The following ROBO1 variants were observed in gnomAD, a reference collection of about 807,000 sequenced individuals.
ROBO1 encodes roundabout guidance receptor 1.
A neutral mutation model predicts 195.9 loss-of-function variants in ROBO1; 149 were observed. The ratio of observed to expected loss-of-function variants is 0.76; its 90% CI spans 0.67 to 0.87. The LOEUF (loss-of-function observed/expected upper bound fraction) is 0.87. Ranked by LOEUF, ROBO1 falls within the 40% of genes least tolerant of loss-of-function variation. ROBO1 has a pLI of 0.00. For synonymous variants in ROBO1, 816 were observed against 733.2 expected (o/e 1.11, Z -1.82); for missense variants, 1,933 against 2,068.3 (o/e 0.93, Z 1.27).
intron 19 of ROBO1, among the ~76,000 whole-genome samples, chr3:78,650,844 A>C (rs530440065): frequency 1.3e-5 from 2 of 152,280 alleles, no homozygotes; most frequent in East Asian, 3.9e-4. Flanking sequence ...TGTTGGACTA[A>C]TGACATAAAC....
chr3:79,665,915 A>G (rs1218589941), intron 1 of ROBO1, among the ~76,000 whole-genome samples: 1 of 151,918 alleles, frequency 6.6e-6, no homozygotes, highest in South Asian at 2.1e-4. Context: ...ACAGTGAAAG[A>G]TGATACTTGT....
intron 2 of ROBO1, among the ~76,000 whole-genome samples, chr3:79,143,947 T>C (rs2080588945): frequency 6.6e-6 from 1 of 151,974 alleles, no homozygotes; most frequent in Non-Finnish European, 1.5e-5. Flanking sequence ...ATACAGTACG[T>C]AACTTTTTTG....
At chr3:78,903,562 C>A (rs979607938) in intron 4 of ROBO1, among the ~76,000 whole-genome samples, 1 of 151,612 alleles carries the variant, frequency 6.6e-6, no homozygotes, top group South Asian at 2.1e-4. Context: ...CACACACACA[C>A]ACACACACAC....
chr3:78,659,811 TTA>T lies in ROBO1; in HGVS notation c.2321-6_2321-5del. On this transcript the variant is annotated splice_region_variant and splice_polypyrimidine_tract_variant and intron_variant, in intron 16 of 30. Transcript: ENST00000464233. ...CCTTGGGGTGGGGCACTGGGTGCTATTAAATTGTTTTAAAAGGTAGGTTATTA... is the reference window on the plus strand; with the variant it reads ...CCTTGGGGTGGGGCACTGGGTGCTATAATTGTTTTAAAAGGTAGGTTATTA... The T allele has an allele frequency of 1.3e-6, 2 of 1,597,676 alleles. No individual in the cohort carries two copies. The highest frequency in any genetic ancestry group is 1.7e-6 in the Non-Finnish European group (2 of 1,172,246).
intron 4 of ROBO1, among the ~76,000 whole-genome samples, chr3:78,804,732 C>CA (rs10576248): frequency 1.2e-3 from 114 of 93,168 alleles, no homozygotes; most frequent in African/African-American, 4.4e-3. Flanking sequence ...GGAGCAAAGG[C>CA]AAAAAAAAAA....
intron 26 of ROBO1, among the ~76,000 whole-genome samples, chr3:78,619,883 T>C (rs1233659311): frequency 6.6e-6 from 1 of 151,344 alleles, no homozygotes; most frequent in East Asian, 2.0e-4. Flanking sequence ...CCGGGTGTGG[T>C]GGTGCATGCC....
intron 2 of ROBO1, among the ~76,000 whole-genome samples, chr3:79,403,941 T>C (rs925354494): frequency 6.6e-6 from 1 of 152,068 alleles, no homozygotes; most frequent in African/African-American, 2.4e-5. Flanking sequence ...ATGTTCATCC[T>C]ATTAGATTAC....
intron 9 of ROBO1, among the ~76,000 whole-genome samples, chr3:78,686,531 G>T (rs2081056019): frequency 6.7e-6 from 1 of 148,262 alleles, no homozygotes; most frequent in Non-Finnish European, 1.5e-5. Flanking sequence ...CTCCAGCCTG[G>T]GTGACAGAGC....
intron 25 of ROBO1, among the ~76,000 whole-genome samples, chr3:78,629,307 T>TAA (rs34532622): frequency 1.5e-4 from 23 of 151,904 alleles, no homozygotes; most frequent in Admixed American, 3.9e-4. Context: ...GCTTTTTTTT[T>TAA]AAAAAAAACC....
intron 4 of ROBO1, among the ~76,000 whole-genome samples, chr3:78,852,949 T>C (rs1480690): frequency 0.014 from 2,111 of 152,168 alleles, 50 homozygotes; most frequent in African/African-American, 0.048. Context: ...CATAGGTTTA[T>C]GCATATAAAA....
intron 5 of ROBO1, among the ~76,000 whole-genome samples, chr3:78,718,827 AGAGGGAGAGAGGGAGG>A (rs1559783505): frequency 1.1e-4 from 9 of 82,444 alleles, no homozygotes; most frequent in Admixed American, 4.2e-4. Flanking sequence ...AGAGAGGGAG[AGAGGGAGAGAGGGAGG>A]GAGGGAGAGA....
At chr3:79,736,212 T>G (rs1004165489) in intron 1 of ROBO1, among the ~76,000 whole-genome samples, 1 of 152,112 alleles carries the variant, frequency 6.6e-6, no homozygotes, top group African/African-American at 2.4e-5. Context: ...CTGCAAAGAC[T>G]GAAGGTGTAA....
chr3:78,711,357 T>C (rs1658536260), intron 8 of ROBO1, among the ~76,000 whole-genome samples: 2 of 37,368 alleles, frequency 5.4e-5, no homozygotes, highest in African/African-American at 3.1e-4. Flanking sequence ...CCTCCTTCCT[T>C]CCTTCCTTCC....
chr3:79,057,558 C>A (rs936780919), intron 3 of ROBO1, among the ~76,000 whole-genome samples: 1 of 152,024 alleles, frequency 6.6e-6, no homozygotes, highest in African/African-American at 2.4e-5. Context: ...ACTAATCCCA[C>A]CTCTCCTAAT....
rs1280508279 is a variant in ROBO1 at position 78,636,126 on chromosome 3, G to A, written c.3038-18C>T. ...ACAATCAGCTATGTGCAATGGAGAG[G>A]AAAAGGAAAAAATCATTCTGCGTGG... On this transcript the variant is annotated intron_variant, in intron 22 of 30. Transcript: ENST00000464233. 7.1e-6 allele frequency: 11 copies of A among 1,541,884 alleles called. No individual in the cohort carries two copies. The highest frequency in any genetic ancestry group is 5.5e-5 in the African/African-American group (4 of 72,572).
At position 79,283,503 on chromosome 3, in the gene ROBO1, T is replaced by C. The variant is rs114017539; in HGVS notation, c.89-157964A>G. On this transcript the variant is annotated intron_variant, in intron 2 of 30. Transcript: ENST00000464233. ...AAACAGTACAGATTGGTATATTAAA[T>C]AGTTTCAGGCTTGATCTAATTACCA... Among the ~76,000 whole-genome samples, 359 of 152,340 alleles carry C rather than the reference T, an allele frequency of 2.4e-3. 4 individuals are homozygous for C. Among genetic ancestry groups the C allele is most frequent in the African/African-American group, 8.4e-3 (349 of 41,588 alleles).
At chr3:78,938,576 A>T (rs773742758) in intron 4 of ROBO1, 25 bp downstream of exon 4, 2 of 1,581,902 alleles carry the variant, frequency 1.3e-6, no homozygotes, top group Non-Finnish European at 1.7e-6. Flanking sequence ...CCCTCTGCCA[A>T]ACACAGAGCG....
intron 1 of ROBO1, among the ~76,000 whole-genome samples, chr3:79,763,657 AAATGGAAAGC>A (rs1194533206): frequency 7.9e-5 from 12 of 152,134 alleles, no homozygotes; most frequent in Non-Finnish European, 1.6e-4. Flanking sequence ...ATTTCAAAGA[AAATGGAAAGC>A]CCCTCAGTTT....
chr3:78,838,807 T>C (rs1025377985), intron 4 of ROBO1, among the ~76,000 whole-genome samples: 2 of 152,140 alleles, frequency 1.3e-5, no homozygotes, highest in Non-Finnish European at 2.9e-5. Context: ...CACTTAGACA[T>C]GTCTTTGCTC....
Sources: gnomAD v4.1 joint callset for allele counts (sites outside exome capture counted in the v4.1 genomes callset) on GRCh38, gnomAD v4.1.1 for gene constraint, MANE v1.5 for transcripts, NCBI Gene and HGNC (gene_info 2026-07-23, HGNC 2026-07-21) for gene names.